TOGARAM2: variants seen among roughly 807,000 people sequenced by gnomAD.
The protein encoded by TOGARAM2 is TOG array regulator of axonemal microtubules 2, also known as TOG array regulator of axonemal microtubules protein 2.
In TOGARAM2, 85 loss-of-function variants were observed where a neutral mutation model predicts 93.3. The ratio of observed to expected loss-of-function variants is 0.91; its 90% CI spans 0.76 to 1.09. The LOEUF is 1.09. Among genes scored for constraint, TOGARAM2 ranks in the 50% least tolerant of loss-of-function variants. The pLI, the probability that TOGARAM2 is intolerant of heterozygous loss-of-function variation, is 0.00. For missense variants in TOGARAM2, 1,277 were observed against 1,334.5 expected (o/e 0.96, Z 0.67); for synonymous variants, 593 against 552.8 (o/e 1.07, Z -1.02).
intron 1 of TOGARAM2, among the ~76,000 whole-genome samples, chr2:28,962,423 C>G (rs1312215624): frequency 2.0e-5 from 3 of 152,114 alleles, no homozygotes; most frequent in African/African-American, 7.2e-5. Flanking sequence ...ATGCACCCAC[C>G]TTGGGCTCCC....
chr2:29,023,099 A>G lies in TOGARAM2; in HGVS notation c.1525A>G (p.Lys509Glu), dbSNP rs1247614312. 6.3e-7 allele frequency: 1 copy of G among 1,595,292 alleles called. No homozygotes were observed. Among genetic ancestry groups the G allele is most frequent in the Non-Finnish European group, 8.5e-7 (1 of 1,170,982 alleles). ...LNSSDWQMKEKGLVSIQRLAA... is the reference protein window; with the variant it reads ...LNSSDWQMKEEGLVSIQRLAA... The stretch of plus-strand genomic sequence containing the variant: ...CTTGCTTCTCAGGCAGATGAAGGAG[A>G]AGGGTCTGGTGAGCATCCAGCGCTT... Residue 509 changes from lysine (K) to glutamate (E), a missense_variant, in exon 12 of 20, where the codon AAG becomes GAG. Coordinates refer to ENST00000379558, the MANE Select transcript of TOGARAM2 (RefSeq NM_199280.4).
chr2:29,045,847 T>C (rs1449142642), intron 19 of TOGARAM2: 1 of 260,064 alleles, frequency 3.8e-6, no homozygotes, highest in Non-Finnish European at 7.5e-6. Context: ...TACCAAACAT[T>C]TTAGATAAGG....
In TOGARAM2 at chr2:29,023,180, G is replaced by A. The variant is rs1262607591; in HGVS notation, c.1606G>A (p.Val536Met). The A allele has an allele frequency of 6.3e-7, 1 of 1,587,858 alleles. No homozygotes were observed. Among genetic ancestry groups the A allele is most frequent in the Non-Finnish European group, 8.6e-7 (1 of 1,166,998 alleles). ...GAAGCTGCACGACGTGTGCTTGGTG[G>A]TGACTGGGGAGGTGAGGCCCCCCAG... ...TGKLHDVCLV[V>M]TGEVTNLRSK... The change falls in exon 12 of 20, where the codon GTG (valine) becomes ATG (methionine). Residue 536 changes from valine (V) to methionine (M), a missense_variant. Transcript: ENST00000379558.
intron 1 of TOGARAM2, among the ~76,000 whole-genome samples, chr2:28,992,606 C>T (rs1049171384): frequency 1.3e-5 from 2 of 152,100 alleles, no homozygotes; most frequent in East Asian, 1.9e-4. Flanking sequence ...TCAGGCGGCT[C>T]GAGTCTTCTT....
At chr2:29,034,130 AC>A (rs1665942774) in intron 16 of TOGARAM2, among the ~76,000 whole-genome samples, 1 of 152,120 alleles carries the variant, frequency 6.6e-6, no homozygotes, top group Admixed American at 6.5e-5. Flanking sequence ...CCCCATGCCC[AC>A]TTCTTCAAAG....
chr2:29,051,629 A>G, intron 19 of TOGARAM2, 127 bp from the exon 20 acceptor site: 2 of 662,130 alleles, frequency 3.0e-6, no homozygotes, highest in Non-Finnish European at 5.1e-6. Flanking sequence ...TAAATGTGTC[A>G]TGATCCTTAG....
chr2:28,960,673 G>C (rs1401113871), intron 1 of TOGARAM2, among the ~76,000 whole-genome samples: 4 of 152,138 alleles, frequency 2.6e-5, no homozygotes, highest in Non-Finnish European at 5.9e-5. Flanking sequence ...ACTCATTCCT[G>C]TACCCTCTGT....
intron 1 of TOGARAM2, among the ~76,000 whole-genome samples, chr2:28,985,765 T>G (rs1396409060): frequency 6.6e-6 from 1 of 152,208 alleles, no homozygotes; most frequent in East Asian, 1.9e-4. Context: ...AAGACTGAAA[T>G]GAATGTACAA....
intron 6 of TOGARAM2, among the ~76,000 whole-genome samples, chr2:29,006,146 TGTGC>T (rs1174010132): frequency 6.2e-5 from 9 of 144,214 alleles, no homozygotes; most frequent in Non-Finnish European, 1.1e-4. Context: ...AGAGCATGCA[TGTGC>T]GTAAGTACAT....
chr2:28,967,534 A>G (rs1036753777), intron 1 of TOGARAM2, among the ~76,000 whole-genome samples: 4 of 152,180 alleles, frequency 2.6e-5, no homozygotes, highest in Non-Finnish European at 5.9e-5. Flanking sequence ...TAAAAAATGT[A>G]GAAATTAAAG....
At chr2:29,038,755 T>C (rs1666264226) in intron 18 of TOGARAM2, among the ~76,000 whole-genome samples, 1 of 152,122 alleles carries the variant, frequency 6.6e-6, no homozygotes, top group African/African-American at 2.4e-5. Flanking sequence ...AAATATGCTG[T>C]TTTGGATCCA....
At chr2:28,979,561 T>C (rs988350503), upstream of TOGARAM2, among the ~76,000 whole-genome samples, 5 of 152,170 alleles carry the variant, frequency 3.3e-5, no homozygotes, top group Non-Finnish European at 7.4e-5. Context: ...GGTTACCTGC[T>C]GGGGCCTCTC....
At chr2:28,958,973 C>G (rs920022169) in intron 1 of TOGARAM2, among the ~76,000 whole-genome samples, 1 of 152,160 alleles carries the variant, frequency 6.6e-6, no homozygotes, top group Non-Finnish European at 1.5e-5. Flanking sequence ...CAGCTCTTTT[C>G]TGGTGTCCAA....
At chr2:28,972,935 C>G (rs991033803) in intron 1 of TOGARAM2, among the ~76,000 whole-genome samples, 1 of 152,208 alleles carries the variant, frequency 6.6e-6, no homozygotes, top group Non-Finnish European at 1.5e-5. Context: ...GAAGTCTGTC[C>G]TCCTACACTC....
chr2:29,026,826 G>A (rs1337066049), intron 13 of TOGARAM2, 27 bp from the exon 14 acceptor site: 4 of 1,554,266 alleles, frequency 2.6e-6, no homozygotes, highest in Non-Finnish European at 3.5e-6. Context: ...TCCTGAGACT[G>A]ACCCCTGGGC....
At chr2:29,007,591 C>T (rs532242623) in intron 6 of TOGARAM2, among the ~76,000 whole-genome samples, 18 of 152,202 alleles carry the variant, frequency 1.2e-4, no homozygotes, top group African/African-American at 4.1e-4. Flanking sequence ...CAGCCCTGTG[C>T]GCTCCATCCC....
chr2:28,964,850 T>C (rs1671846455), intron 1 of TOGARAM2, among the ~76,000 whole-genome samples: 1 of 152,244 alleles, frequency 6.6e-6, no homozygotes, highest in Non-Finnish European at 1.5e-5. Flanking sequence ...TAGTATTCCA[T>C]GGTGTATGTG....
intron 13 of TOGARAM2, among the ~76,000 whole-genome samples, chr2:29,026,438 C>G (rs1304999515): frequency 6.6e-6 from 1 of 152,090 alleles, no homozygotes; most frequent in East Asian, 1.9e-4. Context: ...ACAGCGCTAC[C>G]TTGGGCAGTG....
chr2:29,030,295 A>T (rs537782566), intron 14 of TOGARAM2, among the ~76,000 whole-genome samples: 21 of 152,288 alleles, frequency 1.4e-4, no homozygotes, highest in African/African-American at 3.4e-4. Context: ...AATAAATAAA[A>T]AAATCACAAA....
Sources: allele counts gnomAD v4.1 joint callset (sites outside exome capture counted in the v4.1 genomes callset), GRCh38; gene constraint gnomAD v4.1.1; transcripts MANE v1.5; gene names NCBI Gene and HGNC (gene_info 2026-07-23, HGNC 2026-07-21).